Variants in YIPF4 observed in about 807,000 individuals in gnomAD.
YIPF4 encodes Yip1 domain family member 4, also known as protein YIPF4.
In YIPF4, 18 loss-of-function variants were observed where a neutral mutation model predicts 29.4. That is an observed-to-expected ratio of 0.61 (90% confidence interval 0.42 to 0.91). The LOEUF (loss-of-function observed/expected upper bound fraction) is 0.91, where lower values mean the gene tolerates loss of function less well. Ranked by LOEUF, YIPF4 falls within the 40% of genes least tolerant of loss-of-function variation. The pLI, the probability that YIPF4 is intolerant of heterozygous loss-of-function variation, is 0.00. For synonymous variants in YIPF4, 115 were observed against 104.7 expected (o/e 1.10, Z -0.60); for missense variants, 279 against 282.7 (o/e 0.99, Z 0.09).
intron 4 of YIPF4, among the ~76,000 whole-genome samples, chr2:32,300,485 T>G (rs1282721910): frequency 1.3e-5 from 2 of 151,848 alleles, no homozygotes; most frequent in African/African-American, 4.8e-5. Flanking sequence ...TATTTTCAGT[T>G]TCAGAAGTGA....
In YIPF4 at chr2:32,306,715, G is replaced by GT. The variant is rs539569183; in HGVS notation, c.*1094dup. 253 of 500,538 alleles carry GT rather than the reference G, an allele frequency of 5.1e-4. 2 individuals carry two copies. In the African/African-American group the frequency reaches 5.1e-3, roughly 10 times the overall value. The allele number at this position is 500,538 out of a possible 1,614,324, so 31.0% of individuals were successfully genotyped here. On this transcript the variant is annotated 3_prime_UTR_variant, in exon 6 of 6. Coordinates refer to ENST00000238831, the MANE Select transcript of YIPF4 (RefSeq NM_032312.4). ...ATATTTGTTGCAAATAATTTCATAG[G>GT]TTTTTAGATACACCTGTAGTTAATA...
chr2:32,278,665 G>T (rs2030228156), intron 1 of YIPF4, among the ~76,000 whole-genome samples: 1 of 152,100 alleles, frequency 6.6e-6, no homozygotes, highest in Admixed American at 6.5e-5. Flanking sequence ...TTTTTGGGGG[G>T]GGTCTGGGAT....
Position 32,289,576 on chromosome 2 carries a change from G to A in YIPF4, c.80-907G>A, listed in dbSNP as rs562169200. On this transcript the variant is annotated intron_variant, in intron 1 of 5. Coordinates refer to ENST00000238831, the MANE Select transcript of YIPF4 (RefSeq NM_032312.4). ...ACAGTATTGATGGTTGTTTATTAAT[G>A]TATATTATCTGGTCCTACAAATGTG... is the stretch of plus-strand genomic sequence containing the variant. Among the ~76,000 whole-genome samples, 81 of 152,228 alleles carry A rather than the reference G, an allele frequency of 5.3e-4. 1 individual carries two copies. The Middle Eastern group carries it at 0.01, about 19-fold the overall frequency.
chr2:32,311,011 C>T lies in YIPF4; in HGVS notation c.*5385C>T, dbSNP rs954578113. On this transcript the variant is annotated 3_prime_UTR_variant, in exon 6 of 6. Transcript: ENST00000238831. ...TCTCTTGACACTCTTCAAGTAAATC[C>T]CTAAATTACAACTTTGACATCAAAA... is the stretch of plus-strand genomic sequence containing the variant. The T allele has an allele frequency of 3.3e-5, 5 of 152,022 alleles. No individual in the cohort carries two copies. Among genetic ancestry groups the T allele is most frequent in the Admixed American group, 3.3e-4 (5 of 15,234 alleles). 9.4% of individuals were successfully genotyped at this position (152,022 alleles called of 1,614,324 possible).
At chr2:32,285,899 A>G (rs2030649141) in intron 1 of YIPF4, among the ~76,000 whole-genome samples, 1 of 152,068 alleles carries the variant, frequency 6.6e-6, no homozygotes, top group Admixed American at 6.6e-5. Context: ...CCTACTTATG[A>G]AAAATAATAT....
At position 32,316,041 on chromosome 2, in the gene YIPF4, C is replaced by A. The variant is rs71446063; in HGVS notation, c.*10415C>A. 44,763 of 130,870 alleles carry A rather than the reference C, an allele frequency of 0.34. 7,328 individuals are homozygous for A. Among genetic ancestry groups the A allele is most frequent in the East Asian group, 0.7 (3,305 of 4,734 alleles). The allele number at this position is 130,870 out of a possible 1,614,324, so 8.1% of individuals were successfully genotyped here. ...CCCAAAAAGGAAAAAAAAAAAAAAA[C>A]CAAAAAAAAAAAAAAAGTATAAAGC... On this transcript the variant is annotated 3_prime_UTR_variant, in exon 6 of 6. Transcript: ENST00000238831.
intron 4 of YIPF4, among the ~76,000 whole-genome samples, chr2:32,300,356 C>A (rs1054155800): frequency 6.6e-6 from 1 of 151,880 alleles, no homozygotes; most frequent in Admixed American, 6.6e-5. Flanking sequence ...ATCTCTTGAA[C>A]CCGGGAGGCG....
Position 32,305,554 on chromosome 2 carries a change from C to T in YIPF4, c.663C>T (p.Thr221=), listed in dbSNP as rs2031550221. ...TGTTAGTGGGTGAAGAATTCAAGACCAAAAAGCCTCTTCTGATTTATCCAA... is the reference window on the plus strand; with the variant it reads ...TGTTAGTGGGTGAAGAATTCAAGACTAAAAAGCCTCTTCTGATTTATCCAA... The part of the protein sequence containing the change: ...ASLLVGEEFK[T]KKPLLIYPIF... Residue 221 remains threonine (T), a synonymous_variant, in exon 6 of 6, where the codon ACC becomes ACT. Transcript: ENST00000238831. 6.2e-7 allele frequency: 1 copy of T among 1,610,570 alleles called. No homozygotes were observed. Among genetic ancestry groups the T allele is most frequent in the Admixed American group, 1.7e-5 (1 of 59,646 alleles).
chr2:32,308,741 C>G lies in YIPF4; in HGVS notation c.*3115C>G, dbSNP rs2031650332. The G allele has an allele frequency of 6.8e-6, 1 of 148,054 alleles. No individual in the cohort carries two copies. The highest frequency in any genetic ancestry group is 1.5e-5 in the Non-Finnish European group (1 of 67,604). The allele number at this position is 148,054 out of a possible 1,614,324, so 9.2% of individuals were successfully genotyped here. ...GAAAAACACAAAATACAAAACAAAA[C>G]AAAACAAAAAAACAGAACTGGGCCG... On this transcript the variant is annotated 3_prime_UTR_variant, in exon 6 of 6. Coordinates refer to ENST00000238831, the MANE Select transcript of YIPF4 (RefSeq NM_032312.4).
chr2:32,283,721 CTTT>C (rs59948957), intron 1 of YIPF4, among the ~76,000 whole-genome samples: 1 of 145,318 alleles, frequency 6.9e-6, no homozygotes. Context: ...TATCTCATGT[CTTT>C]TTTTTTTTTT....
chr2:32,306,031 G>A lies in YIPF4; in HGVS notation c.*405G>A. The A allele has an allele frequency of 1.1e-6, 1 of 919,778 alleles. No homozygotes were observed. The highest frequency in any genetic ancestry group is 1.2e-4 in the East Asian group (1 of 8,542). 57.0% of individuals were successfully genotyped at this position (919,778 alleles called of 1,614,324 possible). A position where few individuals can be genotyped will look rare whatever the true frequency, so the allele number is the denominator to read the frequency against. ...TCAAAATGTTTTCTCCAGCATCACA[G>A]ATCCTGCAGATATATATTTATATTT... On this transcript the variant is annotated 3_prime_UTR_variant, in exon 6 of 6. Transcript: ENST00000238831.
intron 1 of YIPF4, among the ~76,000 whole-genome samples, chr2:32,279,562 T>G (rs1013274034): frequency 8.3e-5 from 7 of 84,822 alleles, no homozygotes; most frequent in African/African-American, 2.7e-4. Flanking sequence ...CACGCCCGGC[T>G]AATTTTTTTT....
Position 32,305,896 on chromosome 2 carries a change from G to T in YIPF4, c.*270G>T. ...AAAAGCATTGTGTTTTTAAGATTGT[G>T]TCGATATTCACCTAAAAACTTGTGC... On this transcript the variant is annotated 3_prime_UTR_variant, in exon 6 of 6. Transcript: ENST00000238831. 1 of 1,056,756 alleles carries T rather than the reference G, an allele frequency of 9.5e-7. No homozygotes were observed. The highest frequency in any genetic ancestry group is 1.7e-5 in the African/African-American group (1 of 60,082). 65.5% of individuals were successfully genotyped at this position (1,056,756 alleles called of 1,614,324 possible).
chr2:32,284,902 A>C (rs1183032404), intron 1 of YIPF4, among the ~76,000 whole-genome samples: 1 of 151,790 alleles, frequency 6.6e-6, no homozygotes, highest in African/African-American at 2.4e-5. Flanking sequence ...AAGATAGGGC[A>C]TGTAGAGATT....
chr2:32,284,387 G>T (rs1202590180), intron 1 of YIPF4, among the ~76,000 whole-genome samples: 1 of 152,208 alleles, frequency 6.6e-6, no homozygotes, highest in African/African-American at 2.4e-5. Context: ...ATGTTGAATT[G>T]TAATCTTCAG....
In YIPF4 at chr2:32,310,338, T is replaced by C. The variant is rs1047629764; in HGVS notation, c.*4712T>C. On this transcript the variant is annotated 3_prime_UTR_variant, in exon 6 of 6. Transcript: ENST00000238831. Reference sequence around the variant, plus strand: ...TAGCGAGATCCTGCCTCTGAAAAAATCATAATAATACTTTAATTTAGAAAA... The same window carrying C: ...TAGCGAGATCCTGCCTCTGAAAAAACCATAATAATACTTTAATTTAGAAAA... The C allele has an allele frequency of 4.0e-5, 6 of 151,640 alleles. No individual in the cohort carries two copies. The highest frequency in any genetic ancestry group is 2.0e-4 in the Admixed American group (3 of 15,214). The allele number at this position is 151,640 out of a possible 1,614,324, so 9.4% of individuals were successfully genotyped here.
intron 3 of YIPF4, among the ~76,000 whole-genome samples, chr2:32,293,904 ACCTC>A (rs2031039911): frequency 1.7e-5 from 1 of 60,212 alleles, no homozygotes; most frequent in East Asian, 5.4e-4. Context: ...GACCCCCCCC[ACCTC>A]CCTCCCGGAC....
Position 32,292,290 on chromosome 2 carries a change from G to C in YIPF4, c.347G>C (p.Trp116Ser). 6.2e-7 allele frequency: 1 copy of C among 1,605,180 alleles called. No homozygotes were observed. The highest frequency in any genetic ancestry group is 8.5e-7 in the Non-Finnish European group (1 of 1,175,240). The change falls in exon 3 of 6, where the codon TGG becomes TCG. Residue 116 changes from tryptophan (W) to serine (S), a missense_variant. Transcript: ENST00000238831. Reference protein sequence around the residue: ...RQVVRDNPDFWGPLAVVLFFS... With the variant: ...RQVVRDNPDFSGPLAVVLFFS... ...GTGGTGAGAGACAATCCTGACTTTT[G>C]GGGTCCTCTGGCTGTTGTTCTTTTC...
rs1255335502 is a variant in YIPF4, at chr2:32,278,209, C to T, written c.54C>T (p.Thr18=). The change falls in exon 1 of 6, where the codon ACC becomes ACT. Residue 18 remains threonine (T), a synonymous_variant. Transcript: ENST00000238831. ...PAYAPTNGDF[T]FVSSADAEDL... is the part of the protein sequence containing the mutation. ...ATGCCCCCACTAACGGGGACTTCAC[C>T]TTTGTCTCCTCAGCAGACGCGGAAG... 4 of 1,571,152 alleles carry T rather than the reference C, an allele frequency of 2.5e-6. No homozygotes were observed. The highest frequency in any genetic ancestry group is 3.5e-6 in the Non-Finnish European group (4 of 1,158,788).
Sources: allele counts gnomAD v4.1 joint callset (sites outside exome capture counted in the v4.1 genomes callset), GRCh38; gene constraint gnomAD v4.1.1; transcripts MANE v1.5; gene names NCBI Gene and HGNC (gene_info 2026-07-23, HGNC 2026-07-21).